CTIF: variants seen among roughly 807,000 people sequenced by gnomAD.
The protein encoded by CTIF is CBP80/20-dependent translation initiation factor.
Under a neutral mutation model 66.0 loss-of-function variants are expected in CTIF, and 21 were observed. That is an observed-to-expected ratio of 0.32 (90% CI 0.23 to 0.46). The LOEUF is 0.46. CTIF is among the 20% of genes least tolerant of loss of function. The pLI is 1.00. For synonymous variants in CTIF, 345 were observed against 326.4 expected, an observed-to-expected ratio of 1.06 and a Z score of -0.62; for missense variants, 739 against 812.7, an observed-to-expected ratio of 0.91 and a Z score of 1.10.
At chr18:48,726,925 G>A (rs997627920) in intron 7 of CTIF, among the ~76,000 whole-genome samples, 1 of 152,032 alleles carries the variant, frequency 6.6e-6, no homozygotes, top group African/African-American at 2.4e-5. Context: ...TTTGATTATA[G>A]CATCAGCTCC....
At chr18:48,679,094 G>A (rs904742741) in intron 6 of CTIF, among the ~76,000 whole-genome samples, 10 of 151,970 alleles carry the variant, frequency 6.6e-5, no homozygotes, top group African/African-American at 1.5e-4. Context: ...AATATAAACA[G>A]AACAAAAAAG....
intron 10 of CTIF, among the ~76,000 whole-genome samples, chr18:48,831,919 A>G (rs189124873): frequency 9.8e-5 from 15 of 152,342 alleles, no homozygotes; most frequent in Admixed American, 9.1e-4. Context: ...GCCCAAGACC[A>G]CATGTGGCCT....
At chr18:48,588,215 C>G (rs916175888) in intron 1 of CTIF, among the ~76,000 whole-genome samples, 1 of 152,248 alleles carries the variant, frequency 6.6e-6, no homozygotes, top group Admixed American at 6.5e-5. Context: ...GAGGACACCC[C>G]CCAGCCCACT....
intron 10 of CTIF, among the ~76,000 whole-genome samples, chr18:48,856,385 T>C (rs1266662582): frequency 3.9e-5 from 6 of 152,220 alleles, no homozygotes; most frequent in Admixed American, 3.3e-4. Flanking sequence ...AGTTACCACA[T>C]GACCCAGAAA....
At chr18:48,693,994 CACATTTT>C (rs2091971059) in intron 6 of CTIF, among the ~76,000 whole-genome samples, 1 of 152,196 alleles carries the variant, frequency 6.6e-6, no homozygotes, top group Non-Finnish European at 1.5e-5. Context: ...TTTTTAAAAC[CACATTTT>C]GGACTTTGTG....
Position 48,859,714 on chromosome 18 carries a change from A to G in CTIF, c.*155A>G, listed in dbSNP as rs1375107177. 2.7e-6 allele frequency: 2 copies of G among 732,302 alleles called. No homozygotes were observed. The highest frequency in any genetic ancestry group is 2.7e-5 in the East Asian group (1 of 37,230). 45.4% of individuals were successfully genotyped at this position (732,302 alleles called of 1,614,324 possible). A position where few individuals can be genotyped will look rare whatever the true frequency, so the allele number is the denominator to read the frequency against. On this transcript the variant is annotated 3_prime_UTR_variant, in exon 12 of 12. Coordinates refer to ENST00000256413, the MANE Select transcript of CTIF (RefSeq NM_014772.3). ...TGGCCAGTCTGGAGCCAGACGGGGA[A>G]GGGAGCAAATCCCTGAGAGGAGTGC...
intron 10 of CTIF, among the ~76,000 whole-genome samples, chr18:48,854,308 A>T (rs1450165820): frequency 1.3e-5 from 2 of 152,134 alleles, no homozygotes; most frequent in African/African-American, 4.8e-5. Flanking sequence ...GCCTTAAAGG[A>T]TGGAGAGAGG....
At chr18:48,699,344 G>A (rs770434476) in intron 6 of CTIF, among the ~76,000 whole-genome samples, 16 of 149,492 alleles carry the variant, frequency 1.1e-4, no homozygotes, top group Non-Finnish European at 2.4e-4. Flanking sequence ...TCTCTGCCTT[G>A]CCCAGAGTCC....
intron 9 of CTIF, among the ~76,000 whole-genome samples, chr18:48,770,130 A>G (rs1212481641): frequency 2.0e-5 from 3 of 152,246 alleles, no homozygotes; most frequent in Non-Finnish European, 4.4e-5. Flanking sequence ...GCGAGGAAAG[A>G]AAATGACCAC....
intron 1 of CTIF, among the ~76,000 whole-genome samples, chr18:48,579,002 G>A (rs946391947): frequency 1.1e-4 from 17 of 152,266 alleles, no homozygotes; most frequent in Admixed American, 3.3e-4. Context: ...CTGTGGTGCA[G>A]TTTGAGTTAA....
chr18:48,568,581 A>AATAGTCC (rs1220029203), intron 1 of CTIF, among the ~76,000 whole-genome samples: 3 of 139,934 alleles, frequency 2.1e-5, no homozygotes, highest in Non-Finnish European at 4.5e-5. Flanking sequence ...GGGTTGGTGT[A>AATAGTCC]ATAGTCCATT....
intron 3 of CTIF, among the ~76,000 whole-genome samples, chr18:48,652,183 A>G (rs922124466): frequency 2.0e-4 from 30 of 152,240 alleles, no homozygotes; most frequent in Non-Finnish European, 3.1e-4. Flanking sequence ...CAAAAAATCA[A>G]TGAATCCAGG....
intron 1 of CTIF, among the ~76,000 whole-genome samples, chr18:48,555,848 G>A (rs993900909): frequency 2.6e-5 from 4 of 152,212 alleles, no homozygotes; most frequent in Non-Finnish European, 5.9e-5. Context: ...TCAGTTTGGG[G>A]CACTGGGCAT....
intron 1 of CTIF, among the ~76,000 whole-genome samples, chr18:48,578,075 T>C (rs1300279474): frequency 6.6e-6 from 1 of 152,242 alleles, no homozygotes; most frequent in African/African-American, 2.4e-5. Context: ...TTATACAATA[T>C]GTTCTCTTTT....
intron 1 of CTIF, among the ~76,000 whole-genome samples, chr18:48,572,634 C>T (rs1033096463): frequency 6.6e-6 from 1 of 152,072 alleles, no homozygotes; most frequent in African/African-American, 2.4e-5. Context: ...TGTGTGTCAT[C>T]CTGGAGGAGA....
chr18:48,781,648 G>C (rs1299384741), intron 9 of CTIF, among the ~76,000 whole-genome samples: 1 of 152,070 alleles, frequency 6.6e-6, no homozygotes, highest in African/African-American at 2.4e-5. Flanking sequence ...TGGGAGAGAA[G>C]ACACGTGGCC....
chr18:48,609,902 G>T (rs916551856), intron 1 of CTIF, among the ~76,000 whole-genome samples: 1 of 152,230 alleles, frequency 6.6e-6, no homozygotes, highest in Non-Finnish European at 1.5e-5. Context: ...CCTTGAGGGT[G>T]TGGGGGGCTG....
chr18:48,556,201 A>T (rs1037431309), intron 1 of CTIF, among the ~76,000 whole-genome samples: 1 of 152,132 alleles, frequency 6.6e-6, no homozygotes, highest in East Asian at 1.9e-4. Context: ...TCTGCCTTAG[A>T]TGGATTCTCA....
chr18:48,778,008 A>C (rs1910851657), intron 9 of CTIF, among the ~76,000 whole-genome samples: 1 of 152,080 alleles, frequency 6.6e-6, no homozygotes, highest in Non-Finnish European at 1.5e-5. Flanking sequence ...CAACACCGCC[A>C]ATTTGTTGGT....
Sources: gnomAD v4.1 joint callset for allele counts (sites outside exome capture counted in the v4.1 genomes callset) on GRCh38, gnomAD v4.1.1 for gene constraint, MANE v1.5 for transcripts, NCBI Gene and HGNC (gene_info 2026-07-23, HGNC 2026-07-21) for gene names.